PIGU: variants seen among roughly 807,000 people sequenced by gnomAD.
PIGU encodes GPI-anchor transamidase component PIGU.
A neutral mutation model predicts 49.9 loss-of-function variants in PIGU; 24 were observed. The ratio of observed to expected loss-of-function variants is 0.48; its 90% CI spans 0.35 to 0.68. The LOEUF is 0.68. Ranked by LOEUF, PIGU falls within the 30% of genes least tolerant of loss-of-function variation. PIGU has a pLI of 0.01. For missense variants in PIGU, 490 were observed against 532.6 expected, an observed-to-expected ratio of 0.92 and a Z score of 0.79; for synonymous variants, 220 against 205.7, an observed-to-expected ratio of 1.07 and a Z score of -0.59.
Position 34,591,082 on chromosome 20 carries a change from A to AC in PIGU, c.628-2476dup, listed in dbSNP as rs373020002. Among the ~76,000 whole-genome samples, 447 of 151,940 alleles carry AC rather than the reference A, an allele frequency of 2.9e-3. 2 individuals are homozygous for AC. Among genetic ancestry groups the AC allele is most frequent in the African/African-American group, 0.01 (425 of 41,498 alleles). On this transcript the variant is annotated intron_variant, in intron 7 of 11. Transcript: ENST00000217446. ...ACACAGAAAAGCTGAAAATCAAAGG[A>AC]CTTTTTCAGATTGCCATGGAAACAT...
intron 4 of PIGU, among the ~76,000 whole-genome samples, chr20:34,642,401 A>G (rs1986191606): frequency 6.6e-6 from 1 of 151,962 alleles, no homozygotes. Context: ...TTTTGTAGAG[A>G]CAGGGTCCCA....
At chr20:34,562,028 AGTCT>A (rs1235130380) in intron 11 of PIGU, among the ~76,000 whole-genome samples, 2 of 152,206 alleles carry the variant, frequency 1.3e-5, no homozygotes, top group African/African-American at 4.8e-5. Flanking sequence ...TGCCCAGCTC[AGTCT>A]GTCTGTCCCA....
chr20:34,610,197 C>CTA (rs1488714062), intron 7 of PIGU, among the ~76,000 whole-genome samples: 2 of 152,126 alleles, frequency 1.3e-5, no homozygotes, highest in Non-Finnish European at 2.9e-5. Context: ...ATTAGAAGTT[C>CTA]TGGCCAGAGC....
intron 11 of PIGU, among the ~76,000 whole-genome samples, chr20:34,563,398 T>C (rs1982608964): frequency 6.6e-6 from 1 of 151,580 alleles, no homozygotes; most frequent in Non-Finnish European, 1.5e-5. Context: ...AGAAACCCCG[T>C]CTCTACTAAA....
intron 11 of PIGU, among the ~76,000 whole-genome samples, chr20:34,566,985 C>A (rs1312040307): frequency 6.6e-6 from 1 of 152,218 alleles, no homozygotes; most frequent in Non-Finnish European, 1.5e-5. Context: ...GGGCTCAGGA[C>A]AGCAGCCTTG....
At chr20:34,579,440 G>A (rs918909932) in intron 10 of PIGU, 2 of 152,200 alleles carry the variant, frequency 1.3e-5, no homozygotes, top group East Asian at 1.9e-4. Flanking sequence ...GCATGTTAGC[G>A]CTGACAGCTA....
chr20:34,662,432 G>GT (rs1197823002), intron 1 of PIGU, among the ~76,000 whole-genome samples: 1 of 140,396 alleles, frequency 7.1e-6, no homozygotes, highest in Admixed American at 7.8e-5. Flanking sequence ...GTCTCGGTCT[G>GT]TCACCCAGGC....
At chr20:34,566,936 C>G (rs1982792818) in intron 11 of PIGU, among the ~76,000 whole-genome samples, 1 of 152,190 alleles carries the variant, frequency 6.6e-6, no homozygotes, top group South Asian at 2.1e-4. Context: ...TTGTAAAAAG[C>G]CAGTAGAGGT....
intron 6 of PIGU, among the ~76,000 whole-genome samples, chr20:34,629,031 T>C (rs1174146627): frequency 6.6e-6 from 1 of 151,770 alleles, no homozygotes; most frequent in Non-Finnish European, 1.5e-5. Context: ...TTTTTTTTTT[T>C]TTTGAGATGG....
At chr20:34,573,061 G>A (rs997756858) in intron 11 of PIGU, among the ~76,000 whole-genome samples, 1 of 151,950 alleles carries the variant, frequency 6.6e-6, no homozygotes, top group Non-Finnish European at 1.5e-5. Flanking sequence ...ATGTTGCCCA[G>A]GCTGTTCTTG....
intron 7 of PIGU, among the ~76,000 whole-genome samples, chr20:34,609,099 G>A (rs1185669744): frequency 6.6e-6 from 1 of 151,970 alleles, no homozygotes; most frequent in African/African-American, 2.4e-5. Context: ...GGGCAACAAA[G>A]TGAGACCCTG....
At chr20:34,673,986 G>C (rs974135904) in intron 1 of PIGU, among the ~76,000 whole-genome samples, 10 of 152,280 alleles carry the variant, frequency 6.6e-5, no homozygotes, top group Admixed American at 2.0e-4. Flanking sequence ...CTGGGAGGCA[G>C]AGGTTGCAGT....
chr20:34,605,141 A>G (rs146810898), intron 7 of PIGU, among the ~76,000 whole-genome samples: 36 of 152,260 alleles, frequency 2.4e-4, no homozygotes, highest in Non-Finnish European at 2.4e-4. Flanking sequence ...CTATCAAATC[A>G]TAACATTTTA....
At chr20:34,628,664 A>G (rs1442335989) in intron 6 of PIGU, among the ~76,000 whole-genome samples, 3 of 152,156 alleles carry the variant, frequency 2.0e-5, no homozygotes, top group African/African-American at 7.2e-5. Flanking sequence ...CAGCCTGACC[A>G]ACATGGTGAA....
At chr20:34,571,987 GACCCCCTGCTGGGA>G (rs1027871933) in intron 11 of PIGU, among the ~76,000 whole-genome samples, 13 of 152,122 alleles carry the variant, frequency 8.5e-5, no homozygotes, top group African/African-American at 2.9e-4. Flanking sequence ...GAAGTACTTG[GACCCCCTGCTGGGA>G]GGCCTGTAGG....
intron 4 of PIGU, among the ~76,000 whole-genome samples, chr20:34,643,195 C>A (rs1986224985): frequency 6.6e-6 from 1 of 152,066 alleles, no homozygotes; most frequent in Non-Finnish European, 1.5e-5. Flanking sequence ...GAGTCAAAGA[C>A]CACACACCAA....
chr20:34,612,087 T>C (rs913514906), intron 7 of PIGU, among the ~76,000 whole-genome samples: 6 of 152,072 alleles, frequency 3.9e-5, no homozygotes, highest in Admixed American at 2.6e-4. Flanking sequence ...CTACTTACAA[T>C]AGCAAAGACT....
At chr20:34,585,224 C>G (rs753046351) in intron 9 of PIGU, among the ~76,000 whole-genome samples, 8 of 152,348 alleles carry the variant, frequency 5.3e-5, no homozygotes, top group Middle Eastern at 3.4e-3. Flanking sequence ...AATGCTGGGG[C>G]TCCAAAGCAC....
intron 6 of PIGU, 48 bp downstream of exon 6, chr20:34,634,567 T>C: frequency 6.4e-7 from 1 of 1,557,838 alleles, no homozygotes; most frequent in Non-Finnish European, 8.7e-7. Flanking sequence ...TTGCAAAATC[T>C]TGCATAAATC....
Sources: gnomAD v4.1 joint callset for allele counts (sites outside exome capture counted in the v4.1 genomes callset) on GRCh38, gnomAD v4.1.1 for gene constraint, MANE v1.5 for transcripts, NCBI Gene and HGNC (gene_info 2026-07-23, HGNC 2026-07-21) for gene names.